The following PELI2 variants were observed in gnomAD, a reference collection of about 807,000 sequenced individuals.
PELI2 encodes the protein E3 ubiquitin-protein ligase pellino homolog 2.
A neutral mutation model predicts 42.3 loss-of-function variants in PELI2; 23 were observed. The ratio of observed to expected loss-of-function variants is 0.54; its 90% CI spans 0.39 to 0.77. PELI2 has a LOEUF of 0.77. Among genes scored for constraint, PELI2 ranks in the 30% least tolerant of loss-of-function variants. The pLI is 0.00. For synonymous variants in PELI2, 245 were observed against 212.2 expected (o/e 1.15, Z -1.34); for missense variants, 463 against 553.2 (o/e 0.84, Z 1.64).
chr14:56,257,858 G>A (rs957911378), intron 2 of PELI2, among the ~76,000 whole-genome samples: 1 of 152,182 alleles, frequency 6.6e-6, no homozygotes, highest in African/African-American at 2.4e-5. Context: ...GAGGAGGTGA[G>A]GCAGCTGAAA....
intron 2 of PELI2, among the ~76,000 whole-genome samples, chr14:56,195,066 T>C (rs901156328): frequency 6.6e-6 from 1 of 152,248 alleles, no homozygotes; most frequent in African/African-American, 2.4e-5. Context: ...ATTAATTTAA[T>C]GCTTTTCCTT....
At chr14:56,181,840 ATGTG>A (rs3042510) in intron 2 of PELI2, among the ~76,000 whole-genome samples, 12,094 of 148,322 alleles carry the variant, frequency 0.082, 590 homozygotes, top group East Asian at 0.24. Context: ...TGATTATGTA[ATGTG>A]TGTGTGTGTG....
At chr14:56,267,526 C>A (rs1888950337) in intron 2 of PELI2, among the ~76,000 whole-genome samples, 1 of 152,138 alleles carries the variant, frequency 6.6e-6, no homozygotes, top group Admixed American at 6.5e-5. Flanking sequence ...CATTATTTTA[C>A]TCAAAATTTT....
intron 1 of PELI2, chr14:56,119,167 G>C (rs1307669129): frequency 6.6e-6 from 1 of 151,928 alleles, no homozygotes; most frequent in South Asian, 2.1e-4. Context: ...CTGAGAGGCC[G>C]GCCGGCGCGG....
chr14:56,119,243 C>T (rs540358460), intron 1 of PELI2: 8 of 152,172 alleles, frequency 5.3e-5, no homozygotes, highest in East Asian at 1.9e-4. Context: ...AGCGCGGCGC[C>T]GTGAGCTTGG....
intron 2 of PELI2, among the ~76,000 whole-genome samples, chr14:56,221,528 A>C (rs1311117357): frequency 6.6e-6 from 1 of 152,230 alleles, no homozygotes; most frequent in Non-Finnish European, 1.5e-5. Context: ...ATTGGAAATG[A>C]GTGTCTTCTC....
chr14:56,131,847 C>G lies in PELI2; in HGVS notation c.77+13110C>G, dbSNP rs374375577. Among the ~76,000 whole-genome samples the G allele has an allele frequency of 3.9e-5, 6 of 152,282 alleles. No homozygotes were observed. The South Asian group carries it at 1.2e-3, about 32-fold the overall frequency. ...ATACAGACTTGGTGTTGTATAAAAACTACCACACTCCAGCCTGGGCGACAC... is the reference window on the plus strand; with the variant it reads ...ATACAGACTTGGTGTTGTATAAAAAGTACCACACTCCAGCCTGGGCGACAC... On this transcript the variant is annotated intron_variant, in intron 1 of 5. Transcript: ENST00000267460.
At chr14:56,177,197 T>C (rs1300469963) in intron 1 of PELI2, among the ~76,000 whole-genome samples, 1 of 152,244 alleles carries the variant, frequency 6.6e-6, no homozygotes, top group Non-Finnish European at 1.5e-5. Context: ...TGACGCTGAC[T>C]TGACTGGTGA....
At chr14:56,263,283 CCCA>C (rs779520426) in intron 2 of PELI2, among the ~76,000 whole-genome samples, 3 of 151,978 alleles carry the variant, frequency 2.0e-5, no homozygotes, top group Non-Finnish European at 4.4e-5. Flanking sequence ...ATTTCTTTAC[CCCA>C]CATTTCTTTT....
At chr14:56,218,972 C>G (rs1018056200) in intron 2 of PELI2, among the ~76,000 whole-genome samples, 1 of 152,154 alleles carries the variant, frequency 6.6e-6, no homozygotes, top group African/African-American at 2.4e-5. Context: ...AGGCAGTGCT[C>G]TCGCACTGCT....
intron 2 of PELI2, among the ~76,000 whole-genome samples, chr14:56,206,244 T>C (rs530267579): frequency 1.3e-5 from 2 of 152,330 alleles, no homozygotes; most frequent in East Asian, 3.9e-4. Context: ...AGATGTGTTG[T>C]GACTTGTTAG....
intron 1 of PELI2, among the ~76,000 whole-genome samples, chr14:56,153,363 A>C (rs921170858): frequency 5.3e-5 from 8 of 152,194 alleles, no homozygotes; most frequent in Non-Finnish European, 7.3e-5. Context: ...TTGTCATTAG[A>C]GTCAAACTTA....
intron 2 of PELI2, among the ~76,000 whole-genome samples, chr14:56,236,283 T>C (rs1226222461): frequency 6.6e-6 from 1 of 152,224 alleles, no homozygotes; most frequent in South Asian, 2.1e-4. Flanking sequence ...CTACGGCTCT[T>C]TGTGCAGAGA....
intron 2 of PELI2, among the ~76,000 whole-genome samples, chr14:56,232,315 A>AT (rs1887613985): frequency 6.6e-6 from 1 of 152,140 alleles, no homozygotes; most frequent in African/African-American, 2.4e-5. Context: ...AAAAAAGAGA[A>AT]TTTTAGACCA....
chr14:56,278,348 C>T (rs1889363885), intron 2 of PELI2, among the ~76,000 whole-genome samples: 1 of 152,036 alleles, frequency 6.6e-6, no homozygotes, highest in Non-Finnish European at 1.5e-5. Flanking sequence ...ATGATTACCA[C>T]AAAAGTTAAT....
chr14:56,153,083 T>C (rs978088123), intron 1 of PELI2, among the ~76,000 whole-genome samples: 1 of 152,204 alleles, frequency 6.6e-6, no homozygotes, highest in Non-Finnish European at 1.5e-5. Context: ...TCGGGAAATA[T>C]TGCATGTTGT....
At chr14:56,130,386 A>G (rs1374654767) in intron 1 of PELI2, among the ~76,000 whole-genome samples, 1 of 151,968 alleles carries the variant, frequency 6.6e-6, no homozygotes, top group Non-Finnish European at 1.5e-5. Context: ...TCTGACTCCA[A>G]GTTGTTCAAT....
At chr14:56,263,864 A>G (rs1278086773) in intron 2 of PELI2, among the ~76,000 whole-genome samples, 1 of 149,590 alleles carries the variant, frequency 6.7e-6, no homozygotes. Flanking sequence ...AGGTAAGGCA[A>G]AGAAAGCACA....
chr14:56,233,507 G>A (rs1186908381), intron 2 of PELI2, among the ~76,000 whole-genome samples: 1 of 152,108 alleles, frequency 6.6e-6, no homozygotes, highest in Non-Finnish European at 1.5e-5. Context: ...AATGGGGAAG[G>A]AATTCCCTGT....
Sources: allele counts gnomAD v4.1 joint callset (sites outside exome capture counted in the v4.1 genomes callset), GRCh38; gene constraint gnomAD v4.1.1; transcripts MANE v1.5; gene names NCBI Gene and HGNC (gene_info 2026-07-23, HGNC 2026-07-21).